ADAMTS18: variants seen among roughly 807,000 people sequenced by gnomAD.
The protein encoded by ADAMTS18 is A disintegrin and metalloproteinase with thrombospondin motifs 18.
In ADAMTS18, 157 loss-of-function variants were observed where a neutral mutation model predicts 165.9. The observed-to-expected ratio is 0.95, with a 90% confidence interval of 0.83 to 1.08. The LOEUF is 1.08. Ranked by LOEUF, ADAMTS18 falls within the 50% of genes least tolerant of loss-of-function variation. ADAMTS18 has a pLI of 0.00. For synonymous variants in ADAMTS18, 782 were observed against 578.2 expected (o/e 1.35, Z -5.06); for missense variants, 2,040 against 1,534.0 (o/e 1.33, Z -5.51).
At chr16:77,381,212 A>G (rs1032182666) in intron 3 of ADAMTS18, among the ~76,000 whole-genome samples, 1 of 146,630 alleles carries the variant, frequency 6.8e-6, no homozygotes, top group Non-Finnish European at 1.5e-5. Context: ...TAACACTTCT[A>G]TATCAGGGGG....
At chr16:77,370,617 G>C (rs1445879817) in intron 3 of ADAMTS18, among the ~76,000 whole-genome samples, 1 of 152,080 alleles carries the variant, frequency 6.6e-6, no homozygotes, top group African/African-American at 2.4e-5. Flanking sequence ...GGGCATGATG[G>C]TGGGCATCTG....
chr16:77,289,109 C>A (rs1372503309), intron 22 of ADAMTS18, among the ~76,000 whole-genome samples, 155 bp downstream of exon 22: 1 of 152,150 alleles, frequency 6.6e-6, no homozygotes, highest in Admixed American at 6.5e-5. Context: ...CAGAGTGGTG[C>A]CTTATACAAC....
At position 77,302,889 on chromosome 16, in the gene ADAMTS18, T is replaced by G. The variant is rs972423524; in HGVS notation, c.2533-2485A>C. On this transcript the variant is annotated intron_variant, in intron 16 of 22. Coordinates refer to ENST00000282849, the MANE Select transcript of ADAMTS18 (RefSeq NM_199355.4). ...AGGATGTGTTCAAGAAAAAAAAATG[T>G]GTTTAAGAAAAAGACTGTGATGATA... Among the ~76,000 whole-genome samples, 5 of 152,122 alleles carry G rather than the reference T, an allele frequency of 3.3e-5. No individual in the cohort carries two copies. In the South Asian group the frequency reaches 1.0e-3, roughly 31 times the overall value.
chr16:77,366,275 T>C (rs918658104), intron 4 of ADAMTS18, among the ~76,000 whole-genome samples: 1 of 152,224 alleles, frequency 6.6e-6, no homozygotes, highest in Non-Finnish European at 1.5e-5. Flanking sequence ...TGAAAATCTT[T>C]TGGCTGGGCG....
intron 12 of ADAMTS18, among the ~76,000 whole-genome samples, chr16:77,334,797 A>G (rs866966987): frequency 1.4e-3 from 166 of 120,466 alleles, no homozygotes; most frequent in Non-Finnish European, 2.2e-3. Context: ...TAAATATACT[A>G]TATACTATAG....
chr16:77,385,021 G>T (rs1294514699), intron 3 of ADAMTS18, among the ~76,000 whole-genome samples: 2 of 151,400 alleles, frequency 1.3e-5, no homozygotes, highest in Non-Finnish European at 2.9e-5. Flanking sequence ...GCATTCTCCT[G>T]CCTCAGCCTC....
In ADAMTS18 at chr16:77,342,876, G is replaced by C. The variant is rs568754466; in HGVS notation, c.1615-1077C>G. 2.0e-5 allele frequency among the ~76,000 whole-genome samples: 3 copies of C among 152,254 alleles called. No individual in the cohort carries two copies. The East Asian group carries it at 5.8e-4, about 29-fold the overall frequency. On this transcript the variant is annotated intron_variant, in intron 10 of 22. Coordinates refer to ENST00000282849, the MANE Select transcript of ADAMTS18 (RefSeq NM_199355.4). ...CATAGTCACAAGAGTCCTTATATGG[G>C]AAAGAGGAGCTTAGAAGAGAACCAG...
chr16:77,365,643 T>C (rs938503045), intron 4 of ADAMTS18, among the ~76,000 whole-genome samples: 3 of 152,186 alleles, frequency 2.0e-5, no homozygotes, highest in Non-Finnish European at 4.4e-5. Context: ...CCAGACATGA[T>C]GCCTTTAGTT....
chr16:77,432,579 G>C (rs1321261162), intron 2 of ADAMTS18: 1 of 152,160 alleles, frequency 6.6e-6, no homozygotes, highest in Non-Finnish European at 1.5e-5. Context: ...TATGCCCTCT[G>C]TGCATTAAAA....
At chr16:77,286,938 C>T (rs1397113240) in intron 22 of ADAMTS18, among the ~76,000 whole-genome samples, 1 of 152,088 alleles carries the variant, frequency 6.6e-6, no homozygotes. Flanking sequence ...AACCAAGATA[C>T]CCAGATAAGG....
At chr16:77,324,452 T>C (rs2056058709) in intron 13 of ADAMTS18, among the ~76,000 whole-genome samples, 1 of 152,238 alleles carries the variant, frequency 6.6e-6, no homozygotes, top group Non-Finnish European at 1.5e-5. Context: ...TCAAAAGTTA[T>C]AACCATTACA....
At chr16:77,355,255 T>C (rs572022481) in intron 9 of ADAMTS18, among the ~76,000 whole-genome samples, 1 of 149,108 alleles carries the variant, frequency 6.7e-6, no homozygotes, top group Non-Finnish European at 1.5e-5. Context: ...GGGTTAATTG[T>C]TTAATATGAA....
chr16:77,325,916 T>A lies in ADAMTS18; in HGVS notation c.1982A>T (p.Lys661Ile). The A allele has an allele frequency of 6.2e-7, 1 of 1,614,102 alleles. No individual in the cohort carries two copies. The highest frequency in any genetic ancestry group is 1.1e-5 in the South Asian group (1 of 91,074). The change falls in exon 13 of 23, where the codon AAA becomes ATA. Residue 661 changes from lysine to isoleucine, a missense_variant. By Grantham distance (102) the Lys-to-Ile change is moderately radical (BLOSUM62 -3). Transcript: ENST00000282849. ...RAQQCAEYNS[K>I]PFRGWFYQWK... is the part of the protein sequence containing the mutation. ...CTGGTAGAACCATCCACGGAAAGGT[T>A]TGCTGTTATATTCTGCACACTGTTG...
chr16:77,428,914 T>C (rs1481193369), intron 3 of ADAMTS18, among the ~76,000 whole-genome samples: 9 of 152,166 alleles, frequency 5.9e-5, no homozygotes, highest in Non-Finnish European at 1.3e-4. Flanking sequence ...TAGGCATGTA[T>C]CCAACAGAAT....
intron 3 of ADAMTS18, among the ~76,000 whole-genome samples, chr16:77,416,684 G>T (rs1290448315): frequency 6.6e-6 from 1 of 152,100 alleles, no homozygotes; most frequent in Non-Finnish European, 1.5e-5. Flanking sequence ...TGGGTAATTT[G>T]TCTATTAGCA....
chr16:77,360,474 T>C (rs2056696321), intron 7 of ADAMTS18, among the ~76,000 whole-genome samples: 1 of 152,036 alleles, frequency 6.6e-6, no homozygotes, highest in Admixed American at 6.5e-5. Context: ...AAGTGACCTT[T>C]TCCACAGTTG....
rs995759134 is a variant in ADAMTS18 at position 77,404,489 on chromosome 16, GAAGA to G, written c.495+26802_495+26805del. ...ATGGCCATAATAAAATTACAAGAAA[GAAGA>G]AAGGAAATCTTAGAAAATTTACTAT... On this transcript the variant is annotated intron_variant, in intron 3 of 22. Coordinates refer to ENST00000282849, the MANE Select transcript of ADAMTS18 (RefSeq NM_199355.4). Among the ~76,000 whole-genome samples the G allele has an allele frequency of 3.0e-4, 45 of 152,010 alleles. 1 individual carries two copies. Among genetic ancestry groups the G allele is most frequent in the African/African-American group, 9.6e-4 (40 of 41,466 alleles).
intron 3 of ADAMTS18, among the ~76,000 whole-genome samples, chr16:77,414,067 T>G (rs2057499148): frequency 6.6e-6 from 1 of 152,238 alleles, no homozygotes; most frequent in African/African-American, 2.4e-5. Context: ...GGGTGCATAT[T>G]AGCCAGAATT....
chr16:77,329,908 C>G (rs1468493844), intron 12 of ADAMTS18, among the ~76,000 whole-genome samples: 2 of 151,988 alleles, frequency 1.3e-5, no homozygotes, highest in Non-Finnish European at 2.9e-5. Context: ...AAGAGCATAC[C>G]ATCATTTGCT....
Sources: allele counts gnomAD v4.1 joint callset (sites outside exome capture counted in the v4.1 genomes callset), GRCh38; gene constraint gnomAD v4.1.1; transcripts MANE v1.5; gene names NCBI Gene and HGNC (gene_info 2026-07-23, HGNC 2026-07-21).